MILR1: variants seen among roughly 807,000 people sequenced by gnomAD.
The protein encoded by MILR1 is mast cell immunoglobulin like receptor 1.
In MILR1, 31 loss-of-function variants were observed where a neutral mutation model predicts 18.5. That is an observed-to-expected ratio of 1.68 (90% CI 1.26 to 2.26). MILR1 has a LOEUF of 2.26. Among genes scored for constraint, MILR1 ranks in the 30% most tolerant of loss-of-function variants. MILR1 has a pLI of 0.00. For synonymous variants in MILR1, 85 were observed against 56.2 expected (o/e 1.51, Z -2.30); for missense variants, 257 against 157.4 (o/e 1.63, Z -3.38).
At chr17:64,490,156 C>A in the MILR1 span, among the ~76,000 whole-genome samples, 6,412 of 152,194 alleles carry the variant, frequency 0.042, 325 homozygotes, top group African/African-American at 0.12. Context: ...ATCTCTTGAC[C>A]TCATGATCCT....
intron 3 of MILR1, 139 bp from the exon 4 acceptor site, chr17:64,457,261 G>A (rs12603312): frequency 0.36 from 143,101 of 398,676 alleles, 27,834 homozygotes; most frequent in Middle Eastern, 0.55. Context: ...TGGGCCGTGA[G>A]CTTCTTGACT....
rs1258780743 is a variant in MILR1 at position 64,460,847 on chromosome 17, G to A, written c.678G>A (p.Leu226=). Residue 226 remains leucine (L), a synonymous_variant, in exon 5 of 10, where the codon CTG becomes CTA. Transcript: ENST00000619286. ...GCGGAGACAGCTGTCCTTTCTGTCT[G>A]AAGCTACTACTTCCAGGGTTATTAC... ...STGGDSCPFC[L]KLLLPGLLLL... 4.2e-6 allele frequency: 2 copies of A among 475,218 alleles called. No individual in the cohort carries two copies. Among genetic ancestry groups the A allele is most frequent in the East Asian group, 6.2e-5 (2 of 32,046 alleles). 29.4% of individuals were successfully genotyped at this position (475,218 alleles called of 1,614,324 possible). A position where few individuals can be genotyped will look rare whatever the true frequency, so the allele number is the denominator to read the frequency against.
chr17:64,490,639 A>T, the MILR1 span: 1 of 651,876 alleles, frequency 1.5e-6, no homozygotes, highest in Non-Finnish European at 2.8e-6. Flanking sequence ...CCTGATTTTG[A>T]TGACTGGATT....
the MILR1 span, chr17:64,497,034 G>C: frequency 6.7e-7 from 1 of 1,488,306 alleles, no homozygotes; most frequent in African/African-American, 1.4e-5. Flanking sequence ...CACCACTACC[G>C]TTAACAGAAT....
chr17:64,469,207 C>T (rs553587580), downstream of MILR1, among the ~76,000 whole-genome samples: 1 of 152,140 alleles, frequency 6.6e-6, no homozygotes, highest in East Asian at 1.9e-4. Context: ...TTTAACCCAG[C>T]ATATCCAAAA....
In MILR1 at chr17:64,464,096, G is replaced by T. The variant is rs969674701; in HGVS notation, c.764-1356G>T. On this transcript the variant is annotated intron_variant, in intron 5 of 9. Coordinates refer to ENST00000619286, the MANE Select transcript of MILR1 (RefSeq NM_001085423.2). Reference sequence around the variant, plus strand: ...CGCGGCCTCCCAAAGTGCTGGGGCTGGTGAGCCACCGCGCCTGACATTTTT... The same window carrying T: ...CGCGGCCTCCCAAAGTGCTGGGGCTTGTGAGCCACCGCGCCTGACATTTTT... Among the ~76,000 whole-genome samples the T allele has an allele frequency of 2.7e-3, 410 of 149,892 alleles. 1 individual carries two copies. The highest frequency in any genetic ancestry group is 9.8e-3 in the African/African-American group (399 of 40,776).
chr17:64,483,069 C>G, the MILR1 span: 2 of 786,180 alleles, frequency 2.5e-6, no homozygotes, highest in African/African-American at 1.7e-5. Context: ...AAATATAACA[C>G]AAGTTTAAAT....
chr17:64,456,259 TGATA>T (rs146738820), intron 3 of MILR1, among the ~76,000 whole-genome samples: 6,966 of 152,050 alleles, frequency 0.046, 549 homozygotes, highest in African/African-American at 0.16. Context: ...GCCTGGCACA[TGATA>T]GATACTTAAC....
chr17:64,496,230 G>A, the MILR1 span, among the ~76,000 whole-genome samples: 1 of 152,162 alleles, frequency 6.6e-6, no homozygotes, highest in Non-Finnish European at 1.5e-5. Context: ...ATGATTCCAT[G>A]GACCAGTTTT....
At chr17:64,493,776 G>A in the MILR1 span, among the ~76,000 whole-genome samples, 73 of 152,124 alleles carry the variant, frequency 4.8e-4, 1 homozygote, top group East Asian at 6.0e-3. Flanking sequence ...GTGAGCCACC[G>A]CGCCCGACAA....
At chr17:64,474,464 C>A in the MILR1 span, among the ~76,000 whole-genome samples, 1 of 152,082 alleles carries the variant, frequency 6.6e-6, no homozygotes, top group African/African-American at 2.4e-5. Context: ...GGCTTTGACT[C>A]CCCGGGCTCA....
chr17:64,465,375 T>A, intron 5 of MILR1, 77 bp from the exon 6 acceptor site: 2 of 1,030,362 alleles, frequency 1.9e-6, no homozygotes, highest in African/African-American at 3.2e-5. Context: ...TTTGAGGGAA[T>A]TCTGCTCCTT....
intron 3 of MILR1, among the ~76,000 whole-genome samples, chr17:64,455,685 C>A (rs1409652649): frequency 6.9e-6 from 1 of 145,242 alleles, no homozygotes; most frequent in Non-Finnish European, 1.5e-5. Flanking sequence ...TGGTCTCAAT[C>A]TCCTGACCTC....
At chr17:64,477,734 A>G in the MILR1 span, 1,911 of 1,337,658 alleles carry the variant, frequency 1.4e-3, 26 homozygotes, top group African/African-American at 0.025. Flanking sequence ...TGTCCACTTT[A>G]TAAGTGCAAA....
At chr17:64,452,127 C>A (rs931040297) in intron 2 of MILR1, among the ~76,000 whole-genome samples, 1 of 147,310 alleles carries the variant, frequency 6.8e-6, no homozygotes, top group Non-Finnish European at 1.5e-5. Context: ...AAATTAGAGA[C>A]GAGGTCTCAC....
intron 1 of MILR1, 26 bp downstream of exon 1, chr17:64,449,249 C>T (rs2037111440): frequency 4.2e-6 from 2 of 473,408 alleles, no homozygotes; most frequent in Non-Finnish European, 7.7e-6. Context: ...CATTCTGAGG[C>T]TCGAACCTCC....
chr17:64,457,800 G>C (rs2037334411), intron 4 of MILR1, 116 bp downstream of exon 4: 1 of 458,198 alleles, frequency 2.2e-6, no homozygotes, highest in African/African-American at 2.0e-5. Context: ...TCCTTCTGAA[G>C]GTGCATTTGT....
chr17:64,462,135 T>C (rs1395316125), intron 5 of MILR1, among the ~76,000 whole-genome samples: 2 of 152,214 alleles, frequency 1.3e-5, no homozygotes, highest in Non-Finnish European at 2.9e-5. Context: ...TTGTGAAAGA[T>C]GTACTCGGTC....
the MILR1 span, chr17:64,496,755 T>A: frequency 3.7e-6 from 6 of 1,613,714 alleles, no homozygotes; most frequent in African/African-American, 1.3e-5. Context: ...CTCTGACAGA[T>A]CTCTAACAGC....
Sources: allele counts gnomAD v4.1 joint callset (sites outside exome capture counted in the v4.1 genomes callset), GRCh38; gene constraint gnomAD v4.1.1; transcripts MANE v1.5; gene names NCBI Gene and HGNC (gene_info 2026-07-23, HGNC 2026-07-21).